The following ZMYM2 variants were observed in gnomAD, a reference collection of about 807,000 sequenced individuals.
The protein encoded by ZMYM2 is zinc finger MYM-type protein 2.
ZMYM2 carries 56 observed loss-of-function variants against 162.8 expected under a neutral mutation model. That is an observed-to-expected ratio of 0.34 (90% CI 0.28 to 0.43). ZMYM2 has a LOEUF of 0.43. Among genes scored for constraint, ZMYM2 ranks in the 20% least tolerant of loss-of-function variants. ZMYM2 has a pLI of 1.00. For missense variants in ZMYM2, 1,275 were observed against 1,621.8 expected, an observed-to-expected ratio of 0.79 and a Z score of 3.67; for synonymous variants, 510 against 541.6, an observed-to-expected ratio of 0.94 and a Z score of 0.81.
chr13:20,036,689 G>A (rs969186923), intron 11 of ZMYM2, 48 bp from the exon 12 acceptor site: 2 of 1,397,206 alleles, frequency 1.4e-6, no homozygotes, highest in East Asian at 2.6e-5. Context: ...TCAATAATTA[G>A]TTTTCATGTG....
the ZMYM2 span, among the ~76,000 whole-genome samples, chr13:19,941,582 T>C: frequency 6.6e-6 from 1 of 152,100 alleles, no homozygotes; most frequent in Non-Finnish European, 1.5e-5. Context: ...TTATAACCAA[T>C]TGGCTAGTTG....
At chr13:20,036,680 C>T in intron 11 of ZMYM2, 57 bp from the exon 12 acceptor site, 2 of 1,363,288 alleles carry the variant, frequency 1.5e-6, no homozygotes, top group Non-Finnish European at 9.6e-7. Context: ...TGTCTCTGCT[C>T]AATAATTAGT....
At position 20,082,848 on chromosome 13, in the gene ZMYM2, A is replaced by G; in HGVS notation, c.3636A>G (p.Pro1212=). The G allele has an allele frequency of 6.2e-7, 1 of 1,613,896 alleles. No homozygotes were observed. Among genetic ancestry groups the G allele is most frequent in the Non-Finnish European group, 8.5e-7 (1 of 1,179,832 alleles). The change falls in exon 23 of 25, where the codon CCA becomes CCG. Residue 1212 remains proline, a synonymous_variant. Coordinates refer to ENST00000610343, the MANE Select transcript of ZMYM2 (RefSeq NM_197968.4). ...TAAAACAACTAGGATCACACTCTCC[A>G]GTAGCTCTTCTGAATACACTGTTCT... ...WRIKQLGSHS[P]VALLNTLFYF...
upstream of ZMYM2, among the ~76,000 whole-genome samples, chr13:19,953,835 T>G (rs1954470186): frequency 6.6e-6 from 1 of 152,228 alleles, no homozygotes; most frequent in South Asian, 2.1e-4. Context: ...AACCACAGTT[T>G]GTAAACCATG....
At chr13:20,010,041 G>A (rs902295048) in intron 6 of ZMYM2, among the ~76,000 whole-genome samples, 3 of 152,098 alleles carry the variant, frequency 2.0e-5, no homozygotes, top group African/African-American at 7.2e-5. Context: ...CAAGGCTTCT[G>A]TTTTCTCTAT....
chr13:20,063,013 C>A, intron 18 of ZMYM2, 42 bp downstream of exon 18: 1 of 1,561,114 alleles, frequency 6.4e-7, no homozygotes, highest in South Asian at 1.2e-5. Context: ...GTTATGGAGT[C>A]AACTGTGGTT....
chr13:19,959,073 C>T (rs1593998007), intron 1 of ZMYM2, among the ~76,000 whole-genome samples: 1 of 151,552 alleles, frequency 6.6e-6, no homozygotes, highest in African/African-American at 2.4e-5. Flanking sequence ...GCGCTCATGT[C>T]ACAGGCGCCT....
chr13:20,056,188 T>C (rs1300856743), intron 14 of ZMYM2, among the ~76,000 whole-genome samples: 1 of 152,168 alleles, frequency 6.6e-6, no homozygotes, highest in Non-Finnish European at 1.5e-5. Flanking sequence ...AGCTCAAAAT[T>C]CTTGAGCACT....
chr13:19,938,003 A>T, the ZMYM2 span, among the ~76,000 whole-genome samples: 19 of 152,144 alleles, frequency 1.2e-4, no homozygotes, highest in Non-Finnish European at 2.6e-4. Flanking sequence ...TGTGCTGCAT[A>T]GTATTCCATG....
intron 2 of ZMYM2, among the ~76,000 whole-genome samples, chr13:19,965,539 T>C (rs534020527): frequency 1.3e-5 from 2 of 152,328 alleles, no homozygotes; most frequent in Non-Finnish European, 1.5e-5. Context: ...CTGTTAATTA[T>C]GGGCTAGCAG....
intron 2 of ZMYM2, among the ~76,000 whole-genome samples, chr13:19,992,499 G>C (rs1050425097): frequency 2.0e-5 from 3 of 152,296 alleles, no homozygotes; most frequent in African/African-American, 7.2e-5. Context: ...GGTCAAGGCT[G>C]TAGTGAGCCA....
the ZMYM2 span, among the ~76,000 whole-genome samples, chr13:19,900,925 G>A: frequency 7.2e-5 from 11 of 152,050 alleles, no homozygotes; most frequent in African/African-American, 9.7e-5. Flanking sequence ...CCAGCTACTC[G>A]TGAGGCTGAG....
chr13:19,981,576 A>G (rs527332964), intron 2 of ZMYM2, among the ~76,000 whole-genome samples: 2 of 152,254 alleles, frequency 1.3e-5, no homozygotes, highest in African/African-American at 2.4e-5. Context: ...GGGAAATGGT[A>G]TTTTCATCTA....
At chr13:19,867,092 C>T in the ZMYM2 span, among the ~76,000 whole-genome samples, 1 of 152,172 alleles carries the variant, frequency 6.6e-6, no homozygotes, top group Non-Finnish European at 1.5e-5. Flanking sequence ...GTGGCTCACG[C>T]CTGTAATCCC....
At chr13:20,045,049 CAAAAA>C (rs933854935) in intron 12 of ZMYM2, among the ~76,000 whole-genome samples, 6 of 47,450 alleles carry the variant, frequency 1.3e-4, no homozygotes, top group African/African-American at 1.5e-4. Flanking sequence ...GACTCTGTGT[CAAAAA>C]AAAAAAAAAA....
the ZMYM2 span, among the ~76,000 whole-genome samples, chr13:19,897,562 A>AAAAAAG: frequency 2.0e-5 from 3 of 150,442 alleles, no homozygotes; most frequent in African/African-American, 4.9e-5. Context: ...ATATTAAAAA[A>AAAAAAG]AAAAAGAAAA....
the ZMYM2 span, among the ~76,000 whole-genome samples, chr13:19,898,258 A>T: frequency 6.6e-6 from 1 of 151,302 alleles, no homozygotes; most frequent in South Asian, 2.1e-4. Context: ...TTTGAGACAG[A>T]GTCTCACTGT....
At chr13:19,910,038 AC>A in the ZMYM2 span, among the ~76,000 whole-genome samples, 2 of 136,350 alleles carry the variant, frequency 1.5e-5, no homozygotes, top group South Asian at 2.6e-4. Flanking sequence ...ACATGGTGAA[AC>A]CCCCATCTCT....
chr13:19,995,419 T>G (rs927464006), intron 3 of ZMYM2, among the ~76,000 whole-genome samples: 7 of 152,170 alleles, frequency 4.6e-5, no homozygotes, highest in African/African-American at 1.7e-4. Context: ...TTTTCTTATT[T>G]ATTTGTTTAT....
Sources: gnomAD v4.1 joint callset for allele counts (sites outside exome capture counted in the v4.1 genomes callset) on GRCh38, gnomAD v4.1.1 for gene constraint, MANE v1.5 for transcripts, NCBI Gene and HGNC (gene_info 2026-07-23, HGNC 2026-07-21) for gene names.